The following CHMP2B variants were observed in gnomAD, a reference collection of about 807,000 sequenced individuals.
CHMP2B encodes the protein VPS2 homolog B.
A neutral mutation model predicts 29.8 loss-of-function variants in CHMP2B; 22 were observed. The ratio of observed to expected loss-of-function variants is 0.74; its 90% CI spans 0.53 to 1.05. CHMP2B has a LOEUF of 1.05. Among genes scored for constraint, CHMP2B ranks in the 50% least tolerant of loss-of-function variants. CHMP2B has a pLI of 0.00. For synonymous variants in CHMP2B, 78 were observed against 75.8 expected, an observed-to-expected ratio of 1.03 and a Z score of -0.15; for missense variants, 261 against 252.2, an observed-to-expected ratio of 1.03 and a Z score of -0.24.
At chr3:87,241,741 G>A (rs746942311) in intron 2 of CHMP2B, among the ~76,000 whole-genome samples, 48 of 152,146 alleles carry the variant, frequency 3.2e-4, no homozygotes, top group Non-Finnish European at 6.0e-4. Flanking sequence ...CCAGGTATTG[G>A]TTATTTGAAT....
chr3:87,237,537 A>G (rs1706037912), intron 1 of CHMP2B, among the ~76,000 whole-genome samples: 2 of 152,178 alleles, frequency 1.3e-5, no homozygotes, highest in African/African-American at 4.8e-5. Context: ...GCGATATTTC[A>G]TTGTGGCAGC....
intron 3 of CHMP2B, among the ~76,000 whole-genome samples, chr3:87,246,111 T>C (rs1049341938): frequency 1.3e-5 from 2 of 152,016 alleles, no homozygotes; most frequent in Non-Finnish European, 2.9e-5. Flanking sequence ...ACAAAATTTC[T>C]TGTTTGAGGA....
chr3:87,250,022 T>C (rs1706286812), intron 4 of CHMP2B, 45 bp downstream of exon 4: 3 of 1,171,512 alleles, frequency 2.6e-6, no homozygotes, highest in South Asian at 1.3e-5. Context: ...TTCTCATCTT[T>C]GAATTAGCCA....
intron 1 of CHMP2B, among the ~76,000 whole-genome samples, chr3:87,229,257 G>T (rs187626483): frequency 2.4e-4 from 36 of 152,242 alleles, no homozygotes; most frequent in Admixed American, 8.5e-4. Context: ...TGCAATGAGT[G>T]TTTAACTGTA....
intron 1 of CHMP2B, among the ~76,000 whole-genome samples, chr3:87,232,971 G>A (rs1208785202): frequency 6.6e-6 from 1 of 152,124 alleles, no homozygotes; most frequent in Non-Finnish European, 1.5e-5. Context: ...ACTTTTGAGA[G>A]TTACTAGTAG....
At chr3:87,227,584 C>G (rs769984979) in intron 1 of CHMP2B, 28 bp downstream of exon 1, 1 of 1,613,902 alleles carries the variant, frequency 6.2e-7, no homozygotes, top group African/African-American at 1.3e-5. Flanking sequence ...CTGAAGGGGC[C>G]CAGCTCTGCG....
rs1427198119 is a variant in CHMP2B, at chr3:87,227,587, G to A, written c.34+31G>A. 2.5e-6 allele frequency: 4 copies of A among 1,613,934 alleles called. No homozygotes were observed. The African/African-American group carries it at 5.3e-5, about 22-fold the overall frequency. On this transcript the variant is annotated intron_variant, in intron 1 of 5. Transcript: ENST00000263780. ...TTCCAGGCCGGGCTGAAGGGGCCCA[G>A]CTCTGCGTTTTCTCGGCGTCTTTCG... is the stretch of plus-strand genomic sequence containing the variant.
chr3:87,227,386 G>A lies in CHMP2B; in HGVS notation c.-137G>A, dbSNP rs766591028. On this transcript the variant is annotated 5_prime_UTR_variant, in exon 1 of 6. Coordinates refer to ENST00000263780, the MANE Select transcript of CHMP2B (RefSeq NM_014043.4). ...TACAAGCCTTCCGCGGGTCCTGCCT[G>A]GCGACCCCGACCTCCTCCTGCTGTC... is the stretch of plus-strand genomic sequence containing the variant. 2 of 942,420 alleles carry A rather than the reference G, an allele frequency of 2.1e-6. No homozygotes were observed. The highest frequency in any genetic ancestry group is 3.4e-6 in the Non-Finnish European group (2 of 586,520). The allele number at this position is 942,420 out of a possible 1,614,324, so 58.4% of individuals were successfully genotyped here. A position where few individuals can be genotyped will look rare whatever the true frequency, so the allele number is the denominator to read the frequency against.
chr3:87,237,698 C>T (rs1039550098), intron 1 of CHMP2B, among the ~76,000 whole-genome samples: 4 of 151,970 alleles, frequency 2.6e-5, no homozygotes, highest in African/African-American at 9.7e-5. Context: ...CAATGCATAC[C>T]CATGTATTAA....
At position 87,253,450 on chromosome 3, in the gene CHMP2B, A is replaced by G; in HGVS notation, c.471A>G (p.Glu157=). Residue 157 remains glutamate, a synonymous_variant, in exon 5 of 6, where the codon GAA becomes GAG. Transcript: ENST00000263780. Reference sequence around the variant, plus strand: ...TCTTTGACGGTTCTGATGACGAAGAAGAAAGCCAGGATATTGTGAATCAAG... The same window carrying G: ...TCTTTGACGGTTCTGATGACGAAGAGGAAAGCCAGGATATTGTGAATCAAG... ...DDIFDGSDDE[E]ESQDIVNQVL... is the part of the protein sequence containing the mutation. 1 of 1,612,214 alleles carries G rather than the reference A, an allele frequency of 6.2e-7. No homozygotes were observed. The highest frequency in any genetic ancestry group is 8.5e-7 in the Non-Finnish European group (1 of 1,178,500).
At position 87,236,278 on chromosome 3, in the gene CHMP2B, C is replaced by T. The variant is rs927204870; in HGVS notation, c.35-4421C>T. On this transcript the variant is annotated intron_variant, in intron 1 of 5. Coordinates refer to ENST00000263780, the MANE Select transcript of CHMP2B (RefSeq NM_014043.4). ...TACCCTCCCACACCTACCCCATATACTCAGATATGGTACAAAGAAGCTTGT... is the reference window on the plus strand; with the variant it reads ...TACCCTCCCACACCTACCCCATATATTCAGATATGGTACAAAGAAGCTTGT... Among the ~76,000 whole-genome samples the T allele has an allele frequency of 2.6e-5, 4 of 152,268 alleles. No individual in the cohort carries two copies. The South Asian group carries it at 8.3e-4, about 32-fold the overall frequency.
In CHMP2B at chr3:87,240,794, AGTAG is replaced by A; in HGVS notation, c.126+5_126+8del. 6.2e-7 allele frequency: 1 copy of A among 1,606,526 alleles called. No homozygotes were observed. The highest frequency in any genetic ancestry group is 1.1e-5 in the South Asian group (1 of 90,968). On this transcript the variant is annotated splice_donor_5th_base_variant and intron_variant, in intron 2 of 5. Transcript: ENST00000263780. ...AGAGAAACAAGAAAAACAGCTGGTA[AGTAG>A]AACGTTAAATTTCAGTTTAACTTTT... is the stretch of plus-strand genomic sequence containing the variant.
In CHMP2B at chr3:87,233,438, C is replaced by T. The variant is rs1376703621; in HGVS notation, c.34+5882C>T. Among the ~76,000 whole-genome samples the T allele has an allele frequency of 2.6e-5, 4 of 152,050 alleles. No individual in the cohort carries two copies. The East Asian group carries it at 7.7e-4, about 29-fold the overall frequency. ...TTAATGCCTTAGCTTTTGAGTTTGT[C>T]ATATTTTTGCAGTTTTTTTTTCTCT... On this transcript the variant is annotated intron_variant, in intron 1 of 5. Transcript: ENST00000263780.
chr3:87,249,842 G>A lies in CHMP2B; in HGVS notation c.322-33G>A, dbSNP rs763453110. On this transcript the variant is annotated intron_variant, in intron 3 of 5. Coordinates refer to ENST00000263780, the MANE Select transcript of CHMP2B (RefSeq NM_014043.4). ...TCATAGTAAAATTTTCATAATTATGGAAGTAACATGAATCTTGTAAATACA... is the reference window on the plus strand; with the variant it reads ...TCATAGTAAAATTTTCATAATTATGAAAGTAACATGAATCTTGTAAATACA... 1.1e-5 allele frequency: 14 copies of A among 1,317,364 alleles called. No individual in the cohort carries two copies. The African/African-American group carries it at 1.6e-4, about 15-fold the overall frequency. 81.6% of individuals were successfully genotyped at this position (1,317,364 alleles called of 1,614,324 possible). A position where few individuals can be genotyped will look rare whatever the true frequency, so the allele number is the denominator to read the frequency against.
At chr3:87,245,603 A>G in intron 2 of CHMP2B, 111 bp from the exon 3 acceptor site, 5 of 875,406 alleles carry the variant, frequency 5.7e-6, no homozygotes, top group Middle Eastern at 3.5e-4. Flanking sequence ...TCCCCTCTTC[A>G]TGATCGGGGA....
At chr3:87,230,344 C>T (rs1440079312) in intron 1 of CHMP2B, among the ~76,000 whole-genome samples, 2 of 152,172 alleles carry the variant, frequency 1.3e-5, no homozygotes, top group African/African-American at 4.8e-5. Context: ...ACTCATATAA[C>T]ATCCTTATAA....
intron 4 of CHMP2B, chr3:87,253,189 A>G: frequency 6.2e-6 from 3 of 482,082 alleles, no homozygotes; most frequent in East Asian, 3.8e-5. Flanking sequence ...TTGCTATAAG[A>G]TAATTTGTGT....
chr3:87,227,435 C>T lies in CHMP2B; in HGVS notation c.-88C>T, dbSNP rs1705829022. On this transcript the variant is annotated 5_prime_UTR_variant, in exon 1 of 6. Transcript: ENST00000263780. ...TCTCTCCGCTCCGCCACCCCGAACC[C>T]GCCAAGGTCCTGTCCTTTTCCTCCT... 1.3e-6 allele frequency: 2 copies of T among 1,537,460 alleles called. No individual in the cohort carries two copies. Among genetic ancestry groups the T allele is most frequent in the Non-Finnish European group, 1.8e-6 (2 of 1,110,784 alleles).
In CHMP2B at chr3:87,229,757, AC is replaced by A. The variant is rs979512841; in HGVS notation, c.34+2203del. ...ATTCTGATATATAAGGGAAACATGT[AC>A]CTGCCTATAGATCTGGGGAATAATT... On this transcript the variant is annotated intron_variant, in intron 1 of 5. Transcript: ENST00000263780. Among the ~76,000 whole-genome samples the A allele has an allele frequency of 9.1e-4, 139 of 152,152 alleles. 1 individual carries two copies. The highest frequency in any genetic ancestry group is 3.2e-3 in the African/African-American group (133 of 41,544).
Sources: allele counts gnomAD v4.1 joint callset (sites outside exome capture counted in the v4.1 genomes callset), GRCh38; gene constraint gnomAD v4.1.1; transcripts MANE v1.5; gene names NCBI Gene and HGNC (gene_info 2026-07-23, HGNC 2026-07-21).